MLLT6: variants seen among roughly 807,000 people sequenced by gnomAD.
MLLT6 encodes the protein protein AF-17.
A neutral mutation model predicts 103.0 loss-of-function variants in MLLT6; 22 were observed. That is an observed-to-expected ratio of 0.21 (90% CI 0.15 to 0.31). MLLT6 has a LOEUF of 0.31. Ranked by LOEUF, MLLT6 falls within the 10% of genes least tolerant of loss-of-function variation. MLLT6 has a pLI of 1.00. For missense variants in MLLT6, 1,199 were observed against 1,441.7 expected, an observed-to-expected ratio of 0.83 and a Z score of 2.73; for synonymous variants, 606 against 623.5, an observed-to-expected ratio of 0.97 and a Z score of 0.42.
rs762671758 is a variant in MLLT6 at position 38,709,137 on chromosome 17, C to T, written c.355-36C>T. The T allele has an allele frequency of 6.5e-7, 1 of 1,545,952 alleles. No individual in the cohort carries two copies. The highest frequency in any genetic ancestry group is 8.9e-7 in the Non-Finnish European group (1 of 1,127,354). ...AAGGACCATCAGTAGAACAGGGGCTCCCTGGAGGAGGGGACGATTGCGCTG... is the reference window on the plus strand; with the variant it reads ...AAGGACCATCAGTAGAACAGGGGCTTCCTGGAGGAGGGGACGATTGCGCTG... On this transcript the variant is annotated intron_variant, in intron 4 of 19. Coordinates refer to ENST00000621332, the MANE Select transcript of MLLT6 (RefSeq NM_005937.4). This position sits in a 1 kb window ranked among gnomAD's most constrained non-coding sequence, Gnocchi z 4.3.
chr17:38,725,575 T>C lies in MLLT6; in HGVS notation c.3259T>C (p.Ser1087Pro), dbSNP rs746907821. ...PKGGTADKGA[S>P]ANQEKG ...TTTCCAGACCGCTGACAAAGGAGCC[T>C]CAGCCAACCAGGAAAAAGGCTAAAT... The change falls in exon 20 of 20, where the codon TCA becomes CCA. Residue 1087 changes from serine to proline, a missense_variant. By Grantham distance (74) the Ser-to-Pro change is moderately conservative. Transcript: ENST00000621332. The C allele has an allele frequency of 1.2e-6, 2 of 1,602,028 alleles. No homozygotes were observed. Among genetic ancestry groups the C allele is most frequent in the Non-Finnish European group, 1.7e-6 (2 of 1,175,288 alleles).
chr17:38,707,046 C>G lies in MLLT6; in HGVS notation c.189+17C>G. 1.2e-6 allele frequency: 2 copies of G among 1,602,428 alleles called. No individual in the cohort carries two copies. Among genetic ancestry groups the G allele is most frequent in the Non-Finnish European group, 1.7e-6 (2 of 1,170,880 alleles). On this transcript the variant is annotated intron_variant, in intron 2 of 19. Transcript: ENST00000621332. ...GCCAGGGTGGTGAGTTCCAGACTGC[C>G]CCTCTCCACTCCCCTGCCCCTCCCA...
At chr17:38,717,780 C>T (rs990844059) in intron 11 of MLLT6, 65 bp from the exon 12 acceptor site, 12 of 1,449,738 alleles carry the variant, frequency 8.3e-6, no homozygotes, top group Middle Eastern at 1.7e-4. Flanking sequence ...CCCTGCACCC[C>T]GGTACACACA....
chr17:38,718,232 G>A, intron 12 of MLLT6: 1 of 298,202 alleles, frequency 3.4e-6, no homozygotes, highest in South Asian at 5.8e-5. Context: ...AAAAGTAGCT[G>A]GGCGTGGTGG....
rs1241109230 is a variant in MLLT6 at position 38,726,340 on chromosome 17, C to T, written c.*742C>T. On this transcript the variant is annotated 3_prime_UTR_variant, in exon 20 of 20. Transcript: ENST00000621332. ...CCGAGGGTGGGGAGATGGAGCTGCC[C>T]GTCTCAGTGTGTGAGTGTGTGTGTG... 1.7e-5 allele frequency: 4 copies of T among 234,016 alleles called. No individual in the cohort carries two copies. Among genetic ancestry groups the T allele is most frequent in the Non-Finnish European group, 2.5e-5 (3 of 118,726 alleles). The allele number at this position is 234,016 out of a possible 1,614,324, so 14.5% of individuals were successfully genotyped here.
rs188447581 is a variant in MLLT6 at position 38,706,994 on chromosome 17, C to A, written c.154C>A (p.Arg52=). ...GGTGCCAACGGGACCCTGGTTCTGCCGGAAATGTGAATCTCAGGAGCGAGC... is the reference window on the plus strand; with the variant it reads ...GGTGCCAACGGGACCCTGGTTCTGCAGGAAATGTGAATCTCAGGAGCGAGC... ...VQVPTGPWFC[R]KCESQERAAR... is the part of the protein sequence containing the mutation. Residue 52 remains arginine, a synonymous_variant, in exon 2 of 20, where the codon CGG becomes AGG. Coordinates refer to ENST00000621332, the MANE Select transcript of MLLT6 (RefSeq NM_005937.4). 7 of 1,612,420 alleles carry A rather than the reference C, an allele frequency of 4.3e-6. No individual in the cohort carries two copies. The East Asian group carries it at 6.7e-5, about 15-fold the overall frequency.
chr17:38,715,485 C>A, intron 8 of MLLT6, 127 bp from the exon 9 acceptor site: 1 of 1,418,498 alleles, frequency 7.0e-7, no homozygotes. Context: ...CCCGGAAGTC[C>A]TTCATGAAAC....
chr17:38,720,320 G>GCCCCCCC, intron 14 of MLLT6, 52 bp from the exon 15 acceptor site: 3 of 735,418 alleles, frequency 4.1e-6, no homozygotes, highest in Non-Finnish European at 6.7e-6. Flanking sequence ...CGGTCCCCTG[G>GCCCCCCC]CCCCGCCTCC....
chr17:38,705,499 A>G lies in MLLT6; in HGVS notation c.-134A>G. ...GGAGGAGGAAGGAGGAGGCAAAGAA[A>G]AGAAGCGGCGGCGGCGGAGGGAGAG... On this transcript the variant is annotated 5_prime_UTR_variant, in exon 1 of 20. Coordinates refer to ENST00000621332, the MANE Select transcript of MLLT6 (RefSeq NM_005937.4). The G allele has an allele frequency of 2.1e-6, 1 of 474,332 alleles. No homozygotes were observed. The highest frequency in any genetic ancestry group is 3.8e-6 in the Non-Finnish European group (1 of 264,124). The allele number at this position is 474,332 out of a possible 1,614,324, so 29.4% of individuals were successfully genotyped here.
At chr17:38,720,017 G>C in intron 14 of MLLT6, 122 bp downstream of exon 14, 1 of 1,304,840 alleles carries the variant, frequency 7.7e-7, no homozygotes, top group Non-Finnish European at 1.0e-6. Flanking sequence ...CTTGACTCTC[G>C]GCCACCCCGG....
Position 38,711,948 on chromosome 17 carries a change from C to A in MLLT6, c.654C>A (p.Ser218Arg). 6.2e-7 allele frequency: 1 copy of A among 1,609,494 alleles called. No individual in the cohort carries two copies. The highest frequency in any genetic ancestry group is 8.5e-7 in the Non-Finnish European group (1 of 1,177,512). Residue 218 changes from serine (S) to arginine (R), a missense_variant, in exon 7 of 20, where the codon AGC (serine) becomes AGA (arginine). Transcript: ENST00000621332. ...GGSGFISGRR[S>R]RSASPSTQQE... ...GTGGTTTCATCTCTGGGAGGAGAAG[C>A]CGGTCAGCCTCACCATCCACGCAGC...
chr17:38,725,214 T>G (rs934659973), intron 19 of MLLT6: 5 of 528,964 alleles, frequency 9.5e-6, no homozygotes, highest in African/African-American at 7.9e-5. Flanking sequence ...AAAACAGCCT[T>G]CCTCCGGGAG....
In MLLT6 at chr17:38,719,774, A is replaced by G; in HGVS notation, c.2034A>G (p.Ala678=). 6.2e-7 allele frequency: 1 copy of G among 1,613,036 alleles called. No homozygotes were observed. Among genetic ancestry groups the G allele is most frequent in the Non-Finnish European group, 8.5e-7 (1 of 1,179,718 alleles). Residue 678 remains alanine (A), a synonymous_variant, in exon 14 of 20, where the codon GCA becomes GCG. Transcript: ENST00000621332. ...GGTCCCCCATCAGCAGCCTCCCCGC[A>G]CTCTTCGACCAGACAGCCTCTGCAC... ...SSMSPISSLP[A]LFDQTASAPC...
In MLLT6 at chr17:38,716,917, C is replaced by T; in HGVS notation, c.1587C>T (p.Ser529=). 1 of 1,613,852 alleles carries T rather than the reference C, an allele frequency of 6.2e-7. No individual in the cohort carries two copies. Among genetic ancestry groups the T allele is most frequent in the South Asian group, 1.1e-5 (1 of 91,032 alleles). ...GCTCCGGCCTGGGAGGTCTGTCCTC[C>T]CGAACCTTTGGGCCTTCTGGGAGCT... ...LVSSGLGGLS[S]RTFGPSGSLP... is the part of the protein sequence containing the mutation. Residue 529 remains serine, a synonymous_variant, in exon 10 of 20, where the codon TCC becomes TCT. Transcript: ENST00000621332. This position sits in a 1 kb window ranked among gnomAD's most constrained non-coding sequence, Gnocchi z 5.6.
At chr17:38,717,051 T>A (rs1905381135) in intron 10 of MLLT6, 70 bp downstream of exon 10, 8 of 1,582,858 alleles carry the variant, frequency 5.1e-6, no homozygotes, top group Non-Finnish European at 6.8e-6. Flanking sequence ...AGCTTACACA[T>A]GCACTTAGAA....
rs147059774 is a variant in MLLT6, at chr17:38,715,671, G to C, written c.879G>C (p.Glu293Asp). ...AGGCCAGCACGCAGGAGACCTCTGA[G>C]AGCAGCAGGGAGTCAAAGGGGAAAA... ...HHEASTQETS[E>D]SSRESKGKKS... is the part of the protein sequence containing the mutation. Residue 293 changes from glutamate to aspartate, a missense_variant, in exon 9 of 20, where the codon GAG (glutamate) becomes GAC (aspartate). Glu to Asp is a conservative substitution (Grantham distance 45). Around this residue, in one of 7 missense-constraint regions of MLLT6, gnomAD observed 1,034 missense variants for 1,091.5 expected, o/e 0.95. Transcript: ENST00000621332. The C allele has an allele frequency of 6.2e-7, 1 of 1,614,152 alleles. No individual in the cohort carries two copies.
rs528434496 is a variant in MLLT6, at chr17:38,719,121, T to C, written c.1943-396T>C. Reference sequence around the variant, plus strand: ...AACACTTCACATTTATTACCTTCTTTTAATCTTAATAACAGTCACTTCGGA... The same window carrying C: ...AACACTTCACATTTATTACCTTCTTCTAATCTTAATAACAGTCACTTCGGA... On this transcript the variant is annotated intron_variant, in intron 12 of 19. Coordinates refer to ENST00000621332, the MANE Select transcript of MLLT6 (RefSeq NM_005937.4). 5.4e-5 allele frequency: 15 copies of C among 277,312 alleles called. No homozygotes were observed. The East Asian group carries it at 8.9e-4, about 16-fold the overall frequency. 17.2% of individuals were successfully genotyped at this position (277,312 alleles called of 1,614,324 possible).
rs1371268775 is a variant in MLLT6, at chr17:38,721,902, C to A, written c.2467C>A (p.Arg823Ser). 2 of 1,578,276 alleles carry A rather than the reference C, an allele frequency of 1.3e-6. No individual in the cohort carries two copies. The highest frequency in any genetic ancestry group is 8.5e-7 in the Non-Finnish European group (1 of 1,169,728). The change falls in exon 17 of 20, where the codon CGC (arginine) becomes AGC (serine). Residue 823 changes from arginine (R) to serine (S), a missense_variant. Arg to Ser is a moderately radical substitution (Grantham distance 110). Around this residue, in one of 7 missense-constraint regions of MLLT6, gnomAD observed 1,034 missense variants for 1,091.5 expected, o/e 0.95. Coordinates refer to ENST00000621332, the MANE Select transcript of MLLT6 (RefSeq NM_005937.4). The stretch of plus-strand genomic sequence containing the variant: ...GGACCCACACTCAGGCTGCCCGAGC[C>A]GCAGCAGCTCGTCGCTGTCCTTCCA... ...SEDPHSGCPS[R>S]SSSSLSFHST...
Position 38,726,228 on chromosome 17 carries a change from C to T in MLLT6, c.*630C>T, listed in dbSNP as rs1474076685. 46 of 233,858 alleles carry T rather than the reference C, an allele frequency of 2.0e-4. 1 individual carries two copies. The highest frequency in any genetic ancestry group is 2.3e-4 in the Non-Finnish European group (27 of 118,294). The allele number at this position is 233,858 out of a possible 1,614,324, so 14.5% of individuals were successfully genotyped here. On this transcript the variant is annotated 3_prime_UTR_variant, in exon 20 of 20. Coordinates refer to ENST00000621332, the MANE Select transcript of MLLT6 (RefSeq NM_005937.4). ...CAGCCTCCTCAACCTCTTGGGGCCC[C>T]GTGATGGGGAGGAGAGGGCAGGTGC...
Sources: allele counts gnomAD v4.1 joint callset, GRCh38; gene constraint gnomAD v4.1.1; regional missense constraint gnomAD v4.1.1; non-coding constraint Gnocchi (gnomAD v3.1); transcripts MANE v1.5; gene names NCBI Gene and HGNC (gene_info 2026-07-23, HGNC 2026-07-21).